Variants in UNC79 observed in about 807,000 individuals in gnomAD.
UNC79 encodes the protein unc-79 subunit of NALCN channel complex.
A neutral mutation model predicts 283.1 loss-of-function variants in UNC79; 37 were observed. The observed-to-expected ratio is 0.13, with a 90% CI of 0.10 to 0.17. The LOEUF is 0.17. Ranked by LOEUF, UNC79 falls within the 10% of genes least tolerant of loss-of-function variation. The probability of loss-of-function intolerance (pLI) is 1.00; values close to 1 mark genes in which losing one functional copy is unlikely to be tolerated. For missense variants in UNC79, 2,272 were observed against 3,211.1 expected, an observed-to-expected ratio of 0.71 and a Z score of 7.07; for synonymous variants, 1,107 against 1,200.2, an observed-to-expected ratio of 0.92 and a Z score of 1.61.
chr14:93,458,124 A>T (rs1297532356), intron 1 of UNC79, among the ~76,000 whole-genome samples: 1 of 152,250 alleles, frequency 6.6e-6, no homozygotes, highest in African/African-American at 2.4e-5. Context: ...AATGAAAAGA[A>T]GATGAATACC....
At chr14:93,373,718 A>G (rs937133099) in intron 1 of UNC79, among the ~76,000 whole-genome samples, 1 of 152,246 alleles carries the variant, frequency 6.6e-6, no homozygotes, top group African/African-American at 2.4e-5. Context: ...GTTTTCCAGA[A>G]GATAGAAGAA....
At chr14:93,698,190 T>A (rs967234857) in intron 47 of UNC79, among the ~76,000 whole-genome samples, 2 of 152,168 alleles carry the variant, frequency 1.3e-5, no homozygotes, top group African/African-American at 2.4e-5. Context: ...TAGAAAAGAA[T>A]GTGTCTTCTG....
chr14:93,640,510 C>T (rs995277219), intron 32 of UNC79, among the ~76,000 whole-genome samples: 2 of 152,074 alleles, frequency 1.3e-5, no homozygotes, highest in African/African-American at 4.8e-5. Context: ...TGCCTGTAGC[C>T]CCAGCCACTT....
At chr14:93,620,196 G>A (rs759224671) in intron 29 of UNC79, among the ~76,000 whole-genome samples, 10 of 152,124 alleles carry the variant, frequency 6.6e-5, no homozygotes, top group African/African-American at 1.7e-4. Context: ...CGTGGTAAGC[G>A]CCTCAGAGAA....
At position 93,614,299 on chromosome 14, in the gene UNC79, TTTTATTTATTTA is replaced by T. The variant is rs10617777; in HGVS notation, c.4041+1241_4041+1252del. Among the ~76,000 whole-genome samples, 819 of 140,110 alleles carry T rather than the reference TTTTATTTATTTA, an allele frequency of 5.8e-3. 5 individuals are homozygous for T. The highest frequency in any genetic ancestry group is 0.021 in the African/African-American group (738 of 35,578). 91.9% of individuals were successfully genotyped at this position (140,110 alleles called of 152,430 possible). A position where few individuals can be genotyped will look rare whatever the true frequency, so the allele number is the denominator to read the frequency against. Reference sequence around the variant, plus strand: ...GGCTTTTTTGTTTGTGTGGTTTTATTTTTATTTATTTATTTATTTATTTATTTATTTATTTAG... The same window carrying T: ...GGCTTTTTTGTTTGTGTGGTTTTATTTTTATTTATTTATTTATTTATTTAG... On this transcript the variant is annotated intron_variant, in intron 27 of 48. Coordinates refer to ENST00000555664, the Ensembl canonical transcript of UNC79.
At chr14:93,678,784 T>G (rs1340460067) in intron 41 of UNC79, among the ~76,000 whole-genome samples, 1 of 152,240 alleles carries the variant, frequency 6.6e-6, no homozygotes, top group Non-Finnish European at 1.5e-5. Flanking sequence ...ATGTGTGAAT[T>G]TACATGTGAA....
At chr14:93,468,292 GA>G (rs2057322351) in intron 2 of UNC79, among the ~76,000 whole-genome samples, 1 of 151,610 alleles carries the variant, frequency 6.6e-6, no homozygotes, top group African/African-American at 2.4e-5. Context: ...GAAGGACAAG[GA>G]AAAAAAATAG....
intron 38 of UNC79, among the ~76,000 whole-genome samples, chr14:93,655,751 T>A (rs913846503): frequency 1.7e-4 from 26 of 152,150 alleles, no homozygotes; most frequent in Non-Finnish European, 7.4e-5. Context: ...AATAGTTTTG[T>A]CCAAAAGCAG....
At chr14:93,651,362 G>A (rs2070238838) in intron 35 of UNC79, among the ~76,000 whole-genome samples, 1 of 152,060 alleles carries the variant, frequency 6.6e-6, no homozygotes, top group African/African-American at 2.4e-5. Flanking sequence ...ATCAATTTGG[G>A]GGTAACTGAC....
At chr14:93,343,433 C>T (rs551405855) in intron 1 of UNC79, among the ~76,000 whole-genome samples, 1 of 152,280 alleles carries the variant, frequency 6.6e-6, no homozygotes, top group Admixed American at 6.5e-5. Flanking sequence ...AACTCTTCTG[C>T]TTTTGTTGCT....
chr14:93,524,089 A>G (rs2060441016), intron 8 of UNC79, 47 bp downstream of exon 8: 8 of 1,601,714 alleles, frequency 5.0e-6, no homozygotes, highest in South Asian at 1.1e-5. Flanking sequence ...TCAGTGGTCA[A>G]ATTGCTGAAT....
chr14:93,447,532 A>G (rs991207006), intron 1 of UNC79, among the ~76,000 whole-genome samples: 6 of 152,068 alleles, frequency 3.9e-5, no homozygotes, highest in Non-Finnish European at 5.9e-5. Flanking sequence ...AAAAGAAAGT[A>G]TAGTCTTTTG....
chr14:93,420,581 C>T (rs1227075520), intron 1 of UNC79, among the ~76,000 whole-genome samples: 7 of 151,782 alleles, frequency 4.6e-5, no homozygotes, highest in African/African-American at 1.7e-4. Flanking sequence ...AAACACTGGA[C>T]TTAATCTGCA....
chr14:93,692,808 T>C (rs1022616064), intron 46 of UNC79, among the ~76,000 whole-genome samples: 1 of 152,188 alleles, frequency 6.6e-6, no homozygotes, highest in African/African-American at 2.4e-5. Flanking sequence ...GGAGGATATA[T>C]GGAAGGAATT....
chr14:93,653,909 C>T (rs775820982), intron 36 of UNC79, 31 bp from the exon 40 acceptor site: 3 of 1,614,080 alleles, frequency 1.9e-6, no homozygotes, highest in Admixed American at 1.7e-5. Flanking sequence ...CCCAGACACC[C>T]AAACACTAAA....
chr14:93,654,022 A>G (rs761905893), exon 37 of UNC79: 28 of 1,613,970 alleles, frequency 1.7e-5, no homozygotes, highest in Non-Finnish European at 2.4e-5. Context: ...GTCAGCTCCT[A>G]GAGGTGGGTT....
chr14:93,661,704 T>A (rs2071618708), intron 39 of UNC79, among the ~76,000 whole-genome samples: 1 of 152,208 alleles, frequency 6.6e-6, no homozygotes, highest in South Asian at 2.1e-4. Context: ...CTAACACTGA[T>A]GGAGAGCTTA....
At chr14:93,416,230 T>C (rs942893552) in intron 1 of UNC79, among the ~76,000 whole-genome samples, 5 of 146,972 alleles carry the variant, frequency 3.4e-5, no homozygotes, top group African/African-American at 1.3e-4. Context: ...GTCTTTGTTC[T>C]CGTTGGTTTC....
At chr14:93,628,541 G>A (rs11844688) in intron 30 of UNC79, among the ~76,000 whole-genome samples, 1 of 152,152 alleles carries the variant, frequency 6.6e-6, no homozygotes, top group East Asian at 1.9e-4. Context: ...TTATGCGTAT[G>A]AATTATTGTC....
Sources: gnomAD v4.1 joint callset for allele counts (sites outside exome capture counted in the v4.1 genomes callset) on GRCh38, gnomAD v4.1.1 for gene constraint, MANE v1.5 for transcripts, NCBI Gene and HGNC (gene_info 2026-07-23, HGNC 2026-07-21) for gene names.